Variants in DLG1 observed in about 807,000 individuals in gnomAD.
DLG1 encodes discs large MAGUK scaffold protein 1.
Under a neutral mutation model 123.4 loss-of-function variants are expected in DLG1, and 42 were observed. That is an observed-to-expected ratio of 0.34 (90% CI 0.27 to 0.44). The LOEUF (loss-of-function observed/expected upper bound fraction) is 0.44, where lower values mean the gene tolerates loss of function less well. Among genes scored for constraint, DLG1 ranks in the 20% least tolerant of loss-of-function variants. The pLI is 1.00. For synonymous variants in DLG1, 317 were observed against 356.2 expected, an observed-to-expected ratio of 0.89 and a Z score of 1.24; for missense variants, 942 against 1,082.6, an observed-to-expected ratio of 0.87 and a Z score of 1.82.
chr3:197,044,927 TAAA>T (rs1721871087), intron 24 of DLG1, among the ~76,000 whole-genome samples, 198 bp from the exon 25 acceptor site: 1 of 152,168 alleles, frequency 6.6e-6, no homozygotes, highest in African/African-American at 2.4e-5. Flanking sequence ...ATTTTTATCT[TAAA>T]AATGGATCAA....
rs569161193 is a variant in DLG1, at chr3:197,101,815, G to A, written c.1546+3088C>T. Among the ~76,000 whole-genome samples the A allele has an allele frequency of 5.4e-5, 8 of 149,238 alleles. No individual in the cohort carries two copies. In the East Asian group the frequency reaches 6.1e-4, roughly 11 times the overall value. On this transcript the variant is annotated intron_variant, in intron 14 of 24. Coordinates refer to ENST00000667157, the MANE Select transcript of DLG1 (RefSeq NM_001366207.1). ...ATTATTTTTATTTTTATTTTGAGAC[G>A]GGGTCTCACTCTGTCGCCCAGGCTC... is the stretch of plus-strand genomic sequence containing the variant.
intron 4 of DLG1, among the ~76,000 whole-genome samples, chr3:197,262,377 G>A (rs1759795128): frequency 6.6e-6 from 1 of 152,162 alleles, no homozygotes; most frequent in African/African-American, 2.4e-5. Context: ...CTGCACTTGG[G>A]ACCCTTCCAG....
At chr3:197,089,680 C>T (rs1415276210) in intron 15 of DLG1, among the ~76,000 whole-genome samples, 1 of 151,408 alleles carries the variant, frequency 6.6e-6, no homozygotes, top group East Asian at 1.9e-4. Flanking sequence ...TAAAAGGCAA[C>T]ACCTATTAAT....
chr3:197,056,834 C>A (rs1353852733), intron 23 of DLG1, among the ~76,000 whole-genome samples: 1 of 152,200 alleles, frequency 6.6e-6, no homozygotes, highest in Non-Finnish European at 1.5e-5. Flanking sequence ...CCCATTCTTA[C>A]AGGGTAACCT....
At chr3:197,120,944 T>C (rs994976197) in intron 11 of DLG1, among the ~76,000 whole-genome samples, 31 of 152,298 alleles carry the variant, frequency 2.0e-4, no homozygotes, top group African/African-American at 6.5e-4. Flanking sequence ...TTCAAGTGAA[T>C]TGGTATGTAG....
intron 4 of DLG1, among the ~76,000 whole-genome samples, chr3:197,268,119 G>T (rs546199058): frequency 1.3e-5 from 2 of 152,238 alleles, no homozygotes; most frequent in Admixed American, 1.3e-4. Flanking sequence ...AGGTGAGGAG[G>T]TTTAGGAGCA....
At chr3:197,297,632 A>G (rs1778143389) in intron 1 of DLG1, 1 of 999,296 alleles carries the variant, frequency 1.0e-6, no homozygotes, top group African/African-American at 1.7e-5. Flanking sequence ...GACCAGCGGG[A>G]CTGGCCGCCC....
intron 11 of DLG1, among the ~76,000 whole-genome samples, chr3:197,122,424 G>A (rs755795878): frequency 1.2e-4 from 18 of 151,968 alleles, no homozygotes; most frequent in Non-Finnish European, 1.6e-4. Flanking sequence ...CACCATTTCT[G>A]TTCAACACTG....
In DLG1 at chr3:197,238,650, C is replaced by T. The variant is rs548734338; in HGVS notation, c.318+44029G>A. The stretch of plus-strand genomic sequence containing the variant: ...CATGAACTATCATCTCCAGCTACAA[C>T]TGGATGAAGTCAGAAATCAGTAATA... On this transcript the variant is annotated intron_variant, in intron 4 of 24. Transcript: ENST00000667157. Among the ~76,000 whole-genome samples the T allele has an allele frequency of 4.4e-4, 67 of 152,230 alleles. 2 individuals carry two copies. Among genetic ancestry groups the T allele is most frequent in the Admixed American group, 1.7e-3 (26 of 15,286 alleles).
intron 11 of DLG1, among the ~76,000 whole-genome samples, chr3:197,122,894 T>C (rs1777172434): frequency 6.6e-6 from 1 of 152,052 alleles, no homozygotes; most frequent in African/African-American, 2.4e-5. Context: ...CAACATAATC[T>C]TGAACAGTAA....
intron 4 of DLG1, among the ~76,000 whole-genome samples, chr3:197,225,588 A>C (rs916455757): frequency 3.9e-5 from 6 of 152,244 alleles, no homozygotes; most frequent in Admixed American, 2.0e-4. Flanking sequence ...AATTCTCCAC[A>C]GTAGCAACAC....
intron 10 of DLG1, among the ~76,000 whole-genome samples, chr3:197,135,685 G>A (rs1324393235): frequency 6.6e-6 from 1 of 152,100 alleles, no homozygotes; most frequent in Non-Finnish European, 1.5e-5. Context: ...ATATGGGTAA[G>A]TCTCAGTAAA....
At chr3:197,222,711 T>G (rs1378514042) in intron 4 of DLG1, among the ~76,000 whole-genome samples, 2 of 152,144 alleles carry the variant, frequency 1.3e-5, no homozygotes, top group African/African-American at 4.8e-5. Context: ...CTTTAACACC[T>G]TACACTATTT....
At chr3:197,220,335 C>T (rs1430491559) in intron 4 of DLG1, among the ~76,000 whole-genome samples, 1 of 151,858 alleles carries the variant, frequency 6.6e-6, no homozygotes, top group Admixed American at 6.6e-5. Flanking sequence ...TTAAAACGTA[C>T]GACTTTCCAT....
At chr3:197,213,453 A>C (rs35794424) in intron 4 of DLG1, among the ~76,000 whole-genome samples, 1 of 152,336 alleles carries the variant, frequency 6.6e-6, no homozygotes, top group African/African-American at 2.4e-5. Flanking sequence ...TGGAGTGAGG[A>C]AAATACTCTG....
At chr3:197,095,951 A>G (rs1760410574) in intron 14 of DLG1, among the ~76,000 whole-genome samples, 1 of 152,180 alleles carries the variant, frequency 6.6e-6, no homozygotes, top group South Asian at 2.1e-4. Context: ...AGGATATTAT[A>G]GAACAATCTA....
intron 4 of DLG1, among the ~76,000 whole-genome samples, chr3:197,269,251 C>T (rs1762953092): frequency 6.6e-6 from 1 of 152,160 alleles, no homozygotes; most frequent in African/African-American, 2.4e-5. Context: ...AGCATCACCA[C>T]AAACACTTGA....
At chr3:197,229,129 C>T (rs1430469490) in intron 4 of DLG1, among the ~76,000 whole-genome samples, 2 of 152,090 alleles carry the variant, frequency 1.3e-5, no homozygotes, top group South Asian at 2.1e-4. Flanking sequence ...ACACACTGGA[C>T]AGCTTTCCAC....
At position 197,065,318 on chromosome 3, in the gene DLG1, T is replaced by G. The variant is rs775135552; in HGVS notation, c.2331A>C (p.Leu777=). ...FIEAGQYNNH[L]YGTSVQSVRE... is the part of the protein sequence containing the mutation. ...GTACAGACTGAACACTTGTTCCATA[T>G]AGATGATTGTTATACTGGCCAGCTT... The change falls in exon 22 of 25, where the codon CTA becomes CTC. Residue 777 remains leucine, a synonymous_variant. Coordinates refer to ENST00000667157, the MANE Select transcript of DLG1 (RefSeq NM_001366207.1). 6.2e-7 allele frequency: 1 copy of G among 1,612,492 alleles called. No individual in the cohort carries two copies. Among genetic ancestry groups the G allele is most frequent in the Non-Finnish European group, 8.5e-7 (1 of 1,179,588 alleles).
Sources: gnomAD v4.1 joint callset for allele counts (sites outside exome capture counted in the v4.1 genomes callset) on GRCh38, gnomAD v4.1.1 for gene constraint, MANE v1.5 for transcripts, NCBI Gene and HGNC (gene_info 2026-07-23, HGNC 2026-07-21) for gene names.